The following PHF24 variants were observed in gnomAD, a reference collection of about 807,000 sequenced individuals.
The protein encoded by PHF24 is Galpha inhibitory interacting protein.
A neutral mutation model predicts 42.6 loss-of-function variants in PHF24; 25 were observed. That is an observed-to-expected ratio of 0.59 (90% CI 0.43 to 0.82). The LOEUF (loss-of-function observed/expected upper bound fraction) is 0.82, where lower values mean the gene tolerates loss of function less well. Ranked by LOEUF, PHF24 falls within the 40% of genes least tolerant of loss-of-function variation. PHF24 has a pLI of 0.00. For synonymous variants in PHF24, 185 were observed against 204.8 expected (o/e 0.90, Z 0.83); for missense variants, 470 against 538.1 (o/e 0.87, Z 1.25).
chr9:34,890,721 T>C, the PHF24 span, among the ~76,000 whole-genome samples: 4 of 152,248 alleles, frequency 2.6e-5, no homozygotes, highest in African/African-American at 9.6e-5. Flanking sequence ...ATTTGTTCCC[T>C]GGATTCCCTT....
the PHF24 span, among the ~76,000 whole-genome samples, chr9:34,812,204 CCAATTAAAACAGACAAAA>C: frequency 6.6e-6 from 1 of 151,842 alleles, no homozygotes; most frequent in Admixed American, 6.6e-5. Context: ...AGACCCAGCC[CCAATTAAAACAGACAAAA>C]CAAACACATA....
the PHF24 span, among the ~76,000 whole-genome samples, chr9:34,827,291 A>T: frequency 1.3e-5 from 2 of 152,216 alleles, no homozygotes; most frequent in Non-Finnish European, 2.9e-5. Flanking sequence ...GGCAGGGAGG[A>T]TGTGCCTGTC....
the PHF24 span, among the ~76,000 whole-genome samples, chr9:34,704,310 C>T: frequency 0.011 from 1,728 of 152,162 alleles, 22 homozygotes; most frequent in Admixed American, 0.026. Context: ...GGATTATAGG[C>T]GTGAGCTGCC....
chr9:34,828,544 C>T, the PHF24 span, among the ~76,000 whole-genome samples: 2 of 152,214 alleles, frequency 1.3e-5, no homozygotes, highest in African/African-American at 2.4e-5. Context: ...CTTGCTATCA[C>T]CAATTGCTCT....
the PHF24 span, among the ~76,000 whole-genome samples, chr9:34,865,774 T>C: frequency 1.3e-5 from 2 of 152,274 alleles, no homozygotes; most frequent in South Asian, 4.1e-4. Context: ...AGGTTCTGCT[T>C]CCAAGCTCAC....
the PHF24 span, among the ~76,000 whole-genome samples, chr9:34,779,814 C>T: frequency 0.011 from 1,610 of 152,278 alleles, 31 homozygotes; most frequent in African/African-American, 0.035. Context: ...CAACTTTTAC[C>T]TCCTAAGTTC....
chr9:34,820,642 G>A, the PHF24 span, among the ~76,000 whole-genome samples: 1 of 152,048 alleles, frequency 6.6e-6, no homozygotes, highest in African/African-American at 2.4e-5. Flanking sequence ...TTATTGATGG[G>A]TATTTAGGTT....
At chr9:34,711,609 C>A in the PHF24 span, among the ~76,000 whole-genome samples, 1 of 148,838 alleles carries the variant, frequency 6.7e-6, no homozygotes, top group Non-Finnish European at 1.5e-5. Flanking sequence ...GTGGCGTGAT[C>A]TTGGCTCACT....
chr9:34,769,918 G>A, the PHF24 span, among the ~76,000 whole-genome samples: 2 of 151,852 alleles, frequency 1.3e-5, no homozygotes, highest in African/African-American at 4.8e-5. Flanking sequence ...AATTAATAGA[G>A]GATTTAATTT....
At chr9:34,926,685 G>C in the PHF24 span, among the ~76,000 whole-genome samples, 352 of 152,124 alleles carry the variant, frequency 2.3e-3, no homozygotes, top group African/African-American at 7.9e-3. This position sits in a 1 kb window ranked among gnomAD's most constrained non-coding sequence, Gnocchi z 4.3. Flanking sequence ...GACAGGTCTG[G>C]GGGCAGGCAC....
chr9:34,712,887 TAA>T, the PHF24 span, among the ~76,000 whole-genome samples: 1 of 152,172 alleles, frequency 6.6e-6, no homozygotes, highest in Non-Finnish European at 1.5e-5. Flanking sequence ...GTAAGACAGT[TAA>T]AGTCTTCATC....
At chr9:34,906,022 G>A in the PHF24 span, among the ~76,000 whole-genome samples, 4 of 152,024 alleles carry the variant, frequency 2.6e-5, no homozygotes, top group Non-Finnish European at 5.9e-5. Context: ...GGTCTTTGTG[G>A]GTGTGTGCAC....
chr9:34,856,305 T>TG, the PHF24 span, among the ~76,000 whole-genome samples: 2 of 152,218 alleles, frequency 1.3e-5, no homozygotes, highest in Non-Finnish European at 2.9e-5. Context: ...AGCCTAGTTC[T>TG]GTGCCCTTGC....
At chr9:34,681,041 A>G in the PHF24 span, 3 of 152,208 alleles carry the variant, frequency 2.0e-5, no homozygotes, top group Non-Finnish European at 4.4e-5. Context: ...GGCATATGTC[A>G]CTTGTGGACA....
the PHF24 span, among the ~76,000 whole-genome samples, chr9:34,776,927 G>A: frequency 6.6e-6 from 1 of 152,162 alleles, no homozygotes; most frequent in Non-Finnish European, 1.5e-5. Flanking sequence ...ACACACTATG[G>A]CTTGATTCTG....
At chr9:34,818,788 A>AT in the PHF24 span, among the ~76,000 whole-genome samples, 9 of 151,974 alleles carry the variant, frequency 5.9e-5, no homozygotes, top group Non-Finnish European at 1.2e-4. Context: ...CGTCTATATA[A>AT]TTTTTTTTAA....
the PHF24 span, among the ~76,000 whole-genome samples, chr9:34,803,857 C>A: frequency 1.3e-5 from 2 of 152,156 alleles, no homozygotes; most frequent in African/African-American, 4.8e-5. Context: ...CATTAGTATG[C>A]GCTCTCTTGA....
At chr9:34,697,500 A>G in the PHF24 span, among the ~76,000 whole-genome samples, 1 of 152,054 alleles carries the variant, frequency 6.6e-6, no homozygotes, top group East Asian at 1.9e-4. Context: ...TTGTATTTTT[A>G]GTAGAGATGG....
At chr9:34,812,296 G>A in the PHF24 span, among the ~76,000 whole-genome samples, 2 of 152,154 alleles carry the variant, frequency 1.3e-5, no homozygotes, top group Non-Finnish European at 2.9e-5. Context: ...GGAAAATAAT[G>A]TGTGGTGAGA....
Sources: allele counts gnomAD v4.1 joint callset (sites outside exome capture counted in the v4.1 genomes callset), GRCh38; gene constraint gnomAD v4.1.1; non-coding constraint Gnocchi (gnomAD v3.1); transcripts MANE v1.5; gene names NCBI Gene and HGNC (gene_info 2026-07-23, HGNC 2026-07-21).